Variants in TTC7B observed in about 807,000 individuals in gnomAD.
TTC7B encodes the protein tetratricopeptide repeat domain 7B.
A neutral mutation model predicts 106.8 loss-of-function variants in TTC7B; 28 were observed. The observed-to-expected ratio is 0.26, with a 90% CI of 0.19 to 0.36. The LOEUF (loss-of-function observed/expected upper bound fraction) is 0.36, where lower values mean the gene tolerates loss of function less well. Among genes scored for constraint, TTC7B ranks in the 10% least tolerant of loss-of-function variants. The pLI, the probability that TTC7B is intolerant of heterozygous loss-of-function variation, is 1.00. For missense variants in TTC7B, 862 were observed against 1,076.4 expected (o/e 0.80, Z 2.79); for synonymous variants, 405 against 430.6 (o/e 0.94, Z 0.74).
rs774345450 is a variant in TTC7B at position 90,540,661 on chromosome 14, C to A, written c.*707G>T. Reference sequence around the variant, plus strand: ...AGTGTCTGTCATGTATAAGGAATGTCGGTAAATATTCCATTTGAAGCTTCT... The same window carrying A: ...AGTGTCTGTCATGTATAAGGAATGTAGGTAAATATTCCATTTGAAGCTTCT... On this transcript the variant is annotated 3_prime_UTR_variant, in exon 20 of 20. Transcript: ENST00000328459. 6.5e-6 allele frequency: 1 copy of A among 153,694 alleles called. No homozygotes were observed. Among genetic ancestry groups the A allele is most frequent in the Admixed American group, 6.5e-5 (1 of 15,280 alleles). 9.5% of individuals were successfully genotyped at this position (153,694 alleles called of 1,614,324 possible).
At chr14:90,694,487 A>T (rs762427467) in intron 6 of TTC7B, among the ~76,000 whole-genome samples, 1 of 151,198 alleles carries the variant, frequency 6.6e-6, no homozygotes, top group African/African-American at 2.4e-5. Flanking sequence ...ACTGCTATTT[A>T]TATATTATAA....
In TTC7B at chr14:90,742,188, T is replaced by G. The variant is rs113972166; in HGVS notation, c.576+2604A>C. Among the ~76,000 whole-genome samples, 8,071 of 152,140 alleles carry G rather than the reference T, an allele frequency of 0.053. 249 individuals are homozygous for G. Among genetic ancestry groups the G allele is most frequent in the Non-Finnish European group, 0.062 (4,221 of 68,006 alleles). ...CCCAAGTAGCTGGGACTACAGGCAC[T>G]TGCCACCATGCCTAGCTAGTTTCGT... On this transcript the variant is annotated intron_variant, in intron 4 of 19. Transcript: ENST00000328459. The surrounding 1 kb of genome is among the most constrained non-coding windows in gnomAD (Gnocchi z 4.1).
intron 3 of TTC7B, 54 bp from the exon 4 acceptor site, chr14:90,744,976 A>G (rs2140002366): frequency 6.4e-7 from 1 of 1,573,452 alleles, no homozygotes; most frequent in Non-Finnish European, 8.7e-7. Flanking sequence ...ATAAGGCTTC[A>G]TTTTTAAATA....
intron 8 of TTC7B, chr14:90,677,776 T>C (rs1223497943): frequency 4.4e-6 from 2 of 451,494 alleles, no homozygotes; most frequent in South Asian, 1.6e-5. Context: ...TTTCTTTGTG[T>C]GTGAGTCCAA....
intron 3 of TTC7B, among the ~76,000 whole-genome samples, chr14:90,774,419 G>A (rs1032810189): frequency 5.3e-5 from 8 of 152,224 alleles, no homozygotes; most frequent in Non-Finnish European, 1.0e-4. Context: ...TGGCTTGGGC[G>A]GTCAGCGCTG....
chr14:90,688,006 T>C (rs1372040562), intron 7 of TTC7B, among the ~76,000 whole-genome samples: 3 of 152,222 alleles, frequency 2.0e-5, no homozygotes, highest in Non-Finnish European at 2.9e-5. Context: ...AATCTTGATC[T>C]TCAGATGGAG....
intron 3 of TTC7B, among the ~76,000 whole-genome samples, chr14:90,755,735 AC>A (rs1890271425): frequency 1.3e-5 from 2 of 152,274 alleles, no homozygotes; most frequent in African/African-American, 4.8e-5. Flanking sequence ...CTGGATGCAA[AC>A]CCTTGCTTCT....
chr14:90,715,863 A>G (rs752506436), intron 5 of TTC7B, among the ~76,000 whole-genome samples: 3 of 152,206 alleles, frequency 2.0e-5, no homozygotes, highest in Non-Finnish European at 4.4e-5. Context: ...TAATTCTTCT[A>G]AGAAACCTAA....
At chr14:90,777,179 G>A (rs1365233743) in intron 3 of TTC7B, among the ~76,000 whole-genome samples, 1 of 152,232 alleles carries the variant, frequency 6.6e-6, no homozygotes, top group African/African-American at 2.4e-5. Flanking sequence ...AGCGGAGGTT[G>A]CAGTGGGCCG....
intron 19 of TTC7B, among the ~76,000 whole-genome samples, chr14:90,565,502 A>AG (rs1890756116): frequency 6.6e-6 from 1 of 150,586 alleles, no homozygotes; most frequent in Non-Finnish European, 1.5e-5. Flanking sequence ...CCCTGGTTCA[A>AG]GGGATTCTCC....
intron 5 of TTC7B, chr14:90,699,464 G>C (rs1368254777): frequency 2.9e-6 from 1 of 340,466 alleles, no homozygotes; most frequent in African/African-American, 2.2e-5. Flanking sequence ...ATTATCTTCA[G>C]ACCTCAAAAT....
chr14:90,791,188 G>C (rs1036897069), intron 1 of TTC7B, among the ~76,000 whole-genome samples: 1 of 152,036 alleles, frequency 6.6e-6, no homozygotes, highest in Non-Finnish European at 1.5e-5. Context: ...GAACACCTAC[G>C]AATATTCCAA....
chr14:90,702,863 T>G (rs1888050458), intron 5 of TTC7B, among the ~76,000 whole-genome samples: 1 of 152,068 alleles, frequency 6.6e-6, no homozygotes, highest in Non-Finnish European at 1.5e-5. Context: ...AGGGGAACAG[T>G]CTCCAGCCAC....
At chr14:90,799,283 G>A (rs747219033) in intron 1 of TTC7B, among the ~76,000 whole-genome samples, 1 of 152,128 alleles carries the variant, frequency 6.6e-6, no homozygotes, top group Non-Finnish European at 1.5e-5. Flanking sequence ...TTGCTCCCTC[G>A]GCCTGGGCCA....
intron 19 of TTC7B, among the ~76,000 whole-genome samples, chr14:90,556,762 C>T (rs917485748): frequency 2.6e-5 from 4 of 152,142 alleles, no homozygotes; most frequent in African/African-American, 7.2e-5. Context: ...AGGCCATGTG[C>T]GCCAGGCCAG....
intron 1 of TTC7B, among the ~76,000 whole-genome samples, chr14:90,814,614 C>T (rs1024487551): frequency 3.3e-5 from 5 of 152,126 alleles, no homozygotes; most frequent in Admixed American, 3.3e-4. Flanking sequence ...CCATTTAATC[C>T]TAAAATCAAC....
rs891509491 is a variant in TTC7B, at chr14:90,627,709, G to C, written c.1752-9664C>G. Among the ~76,000 whole-genome samples the C allele has an allele frequency of 2.6e-5, 4 of 152,182 alleles. No homozygotes were observed. The East Asian group carries it at 7.7e-4, about 29-fold the overall frequency. On this transcript the variant is annotated intron_variant, in intron 15 of 19. Transcript: ENST00000328459. Reference sequence around the variant, plus strand: ...CAGTTACATTTTGCTTCTCATTTCAGTCAAAGTGTCAACAATCTGGAATAC... The same window carrying C: ...CAGTTACATTTTGCTTCTCATTTCACTCAAAGTGTCAACAATCTGGAATAC...
At chr14:90,799,566 G>A (rs149141774) in intron 1 of TTC7B, among the ~76,000 whole-genome samples, 2,979 of 152,282 alleles carry the variant, frequency 0.02, 41 homozygotes, top group Middle Eastern at 0.031. Context: ...AGGAGATGGA[G>A]TCAGTCATGC....
intron 15 of TTC7B, among the ~76,000 whole-genome samples, chr14:90,640,676 G>A (rs565341800): frequency 6.6e-6 from 1 of 152,114 alleles, no homozygotes; most frequent in Non-Finnish European, 1.5e-5. Flanking sequence ...TACTTCAGTA[G>A]TATTGGTAGT....
Sources: gnomAD v4.1 joint callset for allele counts (sites outside exome capture counted in the v4.1 genomes callset) on GRCh38, gnomAD v4.1.1 for gene constraint, Gnocchi (gnomAD v3.1) non-coding constraint, MANE v1.5 for transcripts, NCBI Gene and HGNC (gene_info 2026-07-23, HGNC 2026-07-21) for gene names.